Variants in KIF14 observed in about 807,000 individuals in gnomAD.
KIF14 encodes kinesin family member 14, also known as kinesin-like protein KIF14.
In KIF14, 98 loss-of-function variants were observed where a neutral mutation model predicts 176.2. That is an observed-to-expected ratio of 0.56 (90% CI 0.47 to 0.66). The LOEUF (loss-of-function observed/expected upper bound fraction) is 0.66, where lower values mean the gene tolerates loss of function less well. Among genes scored for constraint, KIF14 ranks in the 30% least tolerant of loss-of-function variants. The pLI is 0.00. For missense variants in KIF14, 1,751 were observed against 1,920.4 expected, an observed-to-expected ratio of 0.91 and a Z score of 1.65; for synonymous variants, 566 against 632.2, an observed-to-expected ratio of 0.90 and a Z score of 1.57.
rs752380834 is a variant in KIF14, at chr1:200,586,206, G to A, written c.3136C>T (p.Arg1046Cys). ...TKQALEDHSI[R>C]HARILEALET... ...AAAGCTTCCAGAATTCTTGCATGGCGGATGCTATGGTCTTCTAAAGCCTAA... is the reference window on the plus strand; with the variant it reads ...AAAGCTTCCAGAATTCTTGCATGGCAGATGCTATGGTCTTCTAAAGCCTAA... The change falls in exon 19 of 30, where the codon CGC becomes TGC. Residue 1046 changes from arginine (R) to cysteine (C), a missense_variant. Transcript: ENST00000367350. 42 of 1,594,100 alleles carry A rather than the reference G, an allele frequency of 2.6e-5. No homozygotes were observed. Among genetic ancestry groups the A allele is most frequent in the Middle Eastern group, 1.7e-4 (1 of 5,910 alleles).
Position 200,600,374 on chromosome 1 carries a change from T to C in KIF14, c.2282A>G (p.Asp761Gly). 2 of 1,613,892 alleles carry C rather than the reference T, an allele frequency of 1.2e-6. No homozygotes were observed. Among genetic ancestry groups the C allele is most frequent in the Non-Finnish European group, 1.7e-6 (2 of 1,179,832 alleles). Residue 761 changes from aspartate to glycine, a missense_variant, in exon 12 of 30, where the codon GAC becomes GGC. Transcript: ENST00000367350. ...LRMKLHQQER[D>G]MAEMQRVWKE... ...ACTCTACCTTTGCATTTCTGCCATG[T>C]CTCTCTCCTGTTGATGCAGTTTCAT...
chr1:200,558,634 A>C (rs186464317), intron 27 of KIF14, among the ~76,000 whole-genome samples: 22 of 152,348 alleles, frequency 1.4e-4, no homozygotes, highest in African/African-American at 5.3e-4. Flanking sequence ...TACCACTGTT[A>C]CATGTAAAGC....
intron 15 of KIF14, 38 bp from the exon 16 acceptor site, chr1:200,592,278 C>A: frequency 1.3e-6 from 2 of 1,548,954 alleles, no homozygotes; most frequent in South Asian, 1.2e-5. Flanking sequence ...TGAGGTGAGT[C>A]TCAACCAAAA....
In KIF14 at chr1:200,614,344, G is replaced by T; in HGVS notation, c.1429C>A (p.Gln477Lys). The T allele has an allele frequency of 1.9e-6, 3 of 1,606,730 alleles. No individual in the cohort carries two copies. The highest frequency in any genetic ancestry group is 1.1e-5 in the South Asian group (1 of 90,730). ...IPRFCEDLFS[Q>K]VARKQTQEVS... ...TCTTGGGTTTGTTTTCTGGCTACTT[G>T]AGAAAAAAGATCTTCACAAAATCTT... The change falls in exon 4 of 30, where the codon CAA becomes AAA. Residue 477 changes from glutamine (Q) to lysine (K), a missense_variant. Coordinates refer to ENST00000367350, the MANE Select transcript of KIF14 (RefSeq NM_014875.3).
intron 3 of KIF14, 122 bp downstream of exon 3, chr1:200,615,233 G>C: frequency 9.6e-7 from 1 of 1,040,740 alleles, no homozygotes; most frequent in Non-Finnish European, 1.4e-6. Context: ...ATATAAAATG[G>C]ATGAGATTTG....
intron 13 of KIF14, among the ~76,000 whole-genome samples, chr1:200,599,622 C>T (rs1659530381): frequency 6.6e-6 from 1 of 152,176 alleles, no homozygotes; most frequent in Non-Finnish European, 1.5e-5. Flanking sequence ...GCTTTACCTA[C>T]AAAAATGGCA....
Position 200,580,380 on chromosome 1 carries a change from A to T in KIF14, c.3339T>A (p.His1113Gln), listed in dbSNP as rs1165278079. ...CAGAACTACTTTTATCTGATATATCATGTCTGAAAGAAAAATAAACAAAAA... is the reference window on the plus strand; with the variant it reads ...CAGAACTACTTTTATCTGATATATCTTGTCTGAAAGAAAAATAAACAAAAA... Reference protein sequence around the residue: ...KLKTYYVFGRHDISDKSSSDT... With the variant: ...KLKTYYVFGRQDISDKSSSDT... The change falls in exon 21 of 30, where the codon CAT becomes CAA. Residue 1113 changes from histidine (H) to glutamine (Q), a missense_variant. Coordinates refer to ENST00000367350, the MANE Select transcript of KIF14 (RefSeq NM_014875.3). 3 of 1,468,054 alleles carry T rather than the reference A, an allele frequency of 2.0e-6. No homozygotes were observed. The highest frequency in any genetic ancestry group is 2.7e-6 in the Non-Finnish European group (3 of 1,105,818). 90.9% of individuals were successfully genotyped at this position (1,468,054 alleles called of 1,614,324 possible).
chr1:200,577,394 G>C (rs1228364543), intron 21 of KIF14, among the ~76,000 whole-genome samples: 1 of 152,046 alleles, frequency 6.6e-6, no homozygotes, highest in African/African-American at 2.4e-5. Flanking sequence ...CTGGGCTCAA[G>C]TGATCCTCCA....
At chr1:200,617,391 C>T (rs988835301) in intron 2 of KIF14, among the ~76,000 whole-genome samples, 1 of 152,182 alleles carries the variant, frequency 6.6e-6, no homozygotes, top group Admixed American at 6.5e-5. Flanking sequence ...TCTAGAGAAA[C>T]TTCAATATAC....
At position 200,575,082 on chromosome 1, in the gene KIF14, G is replaced by A. The variant is rs532867537; in HGVS notation, c.3566+509C>T. ...TGCCATTCTCCTGCCTAAGCCTCCC[G>A]AGTAGCTGGGAGTACAAGTGCCTGC... On this transcript the variant is annotated intron_variant, in intron 22 of 29. Transcript: ENST00000367350. Among the ~76,000 whole-genome samples, 28 of 151,132 alleles carry A rather than the reference G, an allele frequency of 1.9e-4. 1 individual carries two copies. Among genetic ancestry groups the A allele is most frequent in the Admixed American group, 1.1e-3 (17 of 15,088 alleles).
intron 23 of KIF14, among the ~76,000 whole-genome samples, chr1:200,567,549 G>C (rs776923567): frequency 1.7e-4 from 18 of 106,268 alleles, no homozygotes; most frequent in Non-Finnish European, 1.3e-4. Flanking sequence ...AAAAAAAAAA[G>C]GCTAAAACCA....
chr1:200,615,553 A>G lies in KIF14; in HGVS notation c.1169T>C (p.Val390Ala), dbSNP rs773958454. The change falls in exon 3 of 30, where the codon GTG becomes GCG. Residue 390 changes from valine to alanine, a missense_variant. By Grantham distance (64) the Val-to-Ala change is moderately conservative (BLOSUM62 0). Transcript: ENST00000367350. ...VVFMSGKEIT[V>A]EHPDTKQVYN... is the part of the protein sequence containing the mutation. ...AACTTGTTTCGTGTCAGGGTGTTCCACAGTTATTTCTTTCCCACTCATGAA... is the reference window on the plus strand; with the variant it reads ...AACTTGTTTCGTGTCAGGGTGTTCCGCAGTTATTTCTTTCCCACTCATGAA... 1 of 1,613,804 alleles carries G rather than the reference A, an allele frequency of 6.2e-7. No individual in the cohort carries two copies.
intron 4 of KIF14, among the ~76,000 whole-genome samples, chr1:200,612,012 C>CT (rs920281343): frequency 4.5e-5 from 6 of 132,664 alleles, no homozygotes; most frequent in Non-Finnish European, 6.5e-5. Context: ...TTTTTTTTTT[C>CT]TTTTTTTTGA....
chr1:200,604,185 G>C (rs1659763423), intron 8 of KIF14, among the ~76,000 whole-genome samples: 1 of 151,922 alleles, frequency 6.6e-6, no homozygotes, highest in South Asian at 2.1e-4. Flanking sequence ...TCCCACCTCA[G>C]GCTCCCAAGT....
At chr1:200,602,218 CTA>C (rs1659661276) in intron 10 of KIF14, 150 bp from the exon 11 acceptor site, 1 of 611,376 alleles carries the variant, frequency 1.6e-6, no homozygotes, top group African/African-American at 1.9e-5. Context: ...GTATTTGTAA[CTA>C]TTTCTAGATC....
intron 14 of KIF14, among the ~76,000 whole-genome samples, chr1:200,596,009 C>G (rs1167541185): frequency 2.0e-5 from 3 of 150,712 alleles, no homozygotes; most frequent in Admixed American, 2.0e-4. Context: ...AATCCCAGCA[C>G]TTTGGGAGGT....
chr1:200,612,849 G>C (rs1660221216), intron 4 of KIF14, among the ~76,000 whole-genome samples: 1 of 149,326 alleles, frequency 6.7e-6, no homozygotes, highest in African/African-American at 2.5e-5. Context: ...TCCTTCATGA[G>C]CCAAGTTCTG....
intron 4 of KIF14, among the ~76,000 whole-genome samples, chr1:200,613,821 AGG>A: frequency 6.6e-6 from 1 of 152,228 alleles, no homozygotes; most frequent in Non-Finnish European, 1.5e-5. Context: ...GCTCAGTAAA[AGG>A]TAGCTGAATG....
chr1:200,565,216 A>C lies in KIF14; in HGVS notation c.3924T>G (p.Ile1308Met), dbSNP rs752502017. ...GCTGCTCAAAAGCACATGCAGTCTG[A>C]ATAGTAAGTGACTGGATTGCTCGAT... ...SSDRAIQSLT[I>M]QTACAFEQLV... The change falls in exon 25 of 30, where the codon ATT (isoleucine) becomes ATG (methionine). Residue 1308 changes from isoleucine to methionine, a missense_variant. Ile to Met is a conservative substitution (Grantham distance 10). Transcript: ENST00000367350. 1.2e-6 allele frequency: 2 copies of C among 1,611,572 alleles called. No homozygotes were observed. The highest frequency in any genetic ancestry group is 1.7e-6 in the Non-Finnish European group (2 of 1,179,414).
Sources: gnomAD v4.1 joint callset for allele counts (sites outside exome capture counted in the v4.1 genomes callset) on GRCh38, gnomAD v4.1.1 for gene constraint, MANE v1.5 for transcripts, NCBI Gene and HGNC (gene_info 2026-07-23, HGNC 2026-07-21) for gene names.